Variants in SLC20A1 observed in about 807,000 individuals in gnomAD.
SLC20A1 encodes sodium-dependent phosphate transporter 1.
SLC20A1 carries 28 observed loss-of-function variants against 62.7 expected under a neutral mutation model. That is an observed-to-expected ratio of 0.45 (90% confidence interval 0.33 to 0.61). SLC20A1 has a LOEUF of 0.61. SLC20A1 is among the 20% of genes least tolerant of loss of function. The pLI is 0.02. For synonymous variants in SLC20A1, 305 were observed against 302.9 expected, an observed-to-expected ratio of 1.01 and a Z score of -0.07; for missense variants, 673 against 838.6, an observed-to-expected ratio of 0.80 and a Z score of 2.44.
chr2:112,652,188 C>G (rs1686460572), intron 4 of SLC20A1: 1 of 156,528 alleles, frequency 6.4e-6, no homozygotes, highest in South Asian at 1.9e-4. Flanking sequence ...TGTGCACAAT[C>G]AGTTATTATC....
chr2:112,649,100 A>C (rs1200428070), intron 4 of SLC20A1, among the ~76,000 whole-genome samples: 1 of 152,228 alleles, frequency 6.6e-6, no homozygotes, highest in African/African-American at 2.4e-5. Context: ...TCCACAAAAC[A>C]CTTATTCCCC....
chr2:112,656,080 T>C (rs555477155), intron 5 of SLC20A1, among the ~76,000 whole-genome samples: 1 of 152,210 alleles, frequency 6.6e-6, no homozygotes, highest in Non-Finnish European at 1.5e-5. Flanking sequence ...TAATGACTAA[T>C]ATTACTCATT....
chr2:112,651,246 G>A (rs1176327056), intron 4 of SLC20A1, among the ~76,000 whole-genome samples: 2 of 152,134 alleles, frequency 1.3e-5, no homozygotes, highest in Non-Finnish European at 2.9e-5. Flanking sequence ...TAACTTTCCA[G>A]TGTATTGATT....
rs1686297539 is a variant in SLC20A1, at chr2:112,646,957, T to C, written c.129T>C (p.Asp43=). The C allele has an allele frequency of 6.2e-7, 1 of 1,614,160 alleles. No individual in the cohort carries two copies. The highest frequency in any genetic ancestry group is 1.3e-5 in the African/African-American group (1 of 75,038). The change falls in exon 2 of 11, where the codon GAT becomes GAC. Residue 43 remains aspartate, a synonymous_variant. Transcript: ENST00000272542. ...FVLAFSVGAN[D]VANSFGTAVG... ...TGGCATTCTCCGTGGGAGCCAATGA[T>C]GTAGCAAATTCTTTTGGTACAGCTG...
Position 112,663,500 on chromosome 2 carries a change from T to TA in SLC20A1, c.*476dup, listed in dbSNP as rs1686806245. The TA allele has an allele frequency of 3.5e-6, 1 of 287,836 alleles. No individual in the cohort carries two copies. Among genetic ancestry groups the TA allele is most frequent in the Non-Finnish European group, 6.7e-6 (1 of 149,092 alleles). 17.8% of individuals were successfully genotyped at this position (287,836 alleles called of 1,614,324 possible). On this transcript the variant is annotated 3_prime_UTR_variant, in exon 11 of 11. Coordinates refer to ENST00000272542, the MANE Select transcript of SLC20A1 (RefSeq NM_005415.5). The stretch of plus-strand genomic sequence containing the variant: ...CTTCCCTTGTAGTCTCTTATATAAG[T>TA]AGAGTCCTTGGTACTCTGCCCTCCT...
chr2:112,647,237 C>T, intron 2 of SLC20A1, 75 bp downstream of exon 2: 2 of 1,580,496 alleles, frequency 1.3e-6, no homozygotes, highest in Non-Finnish European at 1.7e-6. Context: ...CATTTTTGTG[C>T]ATAACCTTTC....
At chr2:112,652,465 T>C (rs1686468264) in intron 4 of SLC20A1, 1 of 552,220 alleles carries the variant, frequency 1.8e-6, no homozygotes, top group Admixed American at 3.3e-5. Flanking sequence ...TATCAGTCAC[T>C]GGTACAGTTA....
At chr2:112,659,932 C>T (rs1220993992) in intron 8 of SLC20A1, among the ~76,000 whole-genome samples, 170 bp downstream of exon 8, 3 of 152,140 alleles carry the variant, frequency 2.0e-5, no homozygotes, top group African/African-American at 7.2e-5. Flanking sequence ...CAGTTTTATT[C>T]TTCAGAGGAA....
At chr2:112,658,163 A>T (rs1350856262) in intron 6 of SLC20A1, among the ~76,000 whole-genome samples, 1 of 152,146 alleles carries the variant, frequency 6.6e-6, no homozygotes, top group East Asian at 1.9e-4. Context: ...AGGAGTTGAG[A>T]CAAGTCTTGC....
chr2:112,661,876 G>A (rs1034994769), intron 10 of SLC20A1, among the ~76,000 whole-genome samples: 3 of 152,216 alleles, frequency 2.0e-5, no homozygotes, highest in Non-Finnish European at 4.4e-5. Context: ...TGCCTTTGGG[G>A]AAGCCATTCA....
At chr2:112,658,189 C>T (rs184275634) in intron 6 of SLC20A1, among the ~76,000 whole-genome samples, 3 of 152,250 alleles carry the variant, frequency 2.0e-5, no homozygotes, top group Non-Finnish European at 4.4e-5. Flanking sequence ...GTTAGTCAGT[C>T]TGTAGTTTGA....
At chr2:112,658,543 T>C (rs1686661437) in intron 6 of SLC20A1, 2 of 329,996 alleles carry the variant, frequency 6.1e-6, no homozygotes, top group African/African-American at 2.2e-5. Flanking sequence ...GTTGTAAAAA[T>C]AAAAACAAAA....
rs553173165 is a variant in SLC20A1 at position 112,663,470 on chromosome 2, T to C, written c.*445T>C. 12 of 314,840 alleles carry C rather than the reference T, an allele frequency of 3.8e-5. No individual in the cohort carries two copies. The highest frequency in any genetic ancestry group is 3.2e-4 in the South Asian group (12 of 36,924). The allele number at this position is 314,840 out of a possible 1,614,324, so 19.5% of individuals were successfully genotyped here. On this transcript the variant is annotated 3_prime_UTR_variant, in exon 11 of 11. Coordinates refer to ENST00000272542, the MANE Select transcript of SLC20A1 (RefSeq NM_005415.5). ...AGGGATTTAACAACAAAAATATAAC[T>C]ACAACTTCCCTTGTAGTCTCTTATA...
intron 5 of SLC20A1, among the ~76,000 whole-genome samples, chr2:112,654,579 GA>G (rs1401779455): frequency 6.6e-6 from 1 of 152,072 alleles, no homozygotes; most frequent in Non-Finnish European, 1.5e-5. Context: ...AATTTAAAAT[GA>G]AAAGATACAT....
chr2:112,657,320 A>G (rs899896564), intron 6 of SLC20A1, 79 bp downstream of exon 6: 7 of 1,383,958 alleles, frequency 5.1e-6, no homozygotes, highest in East Asian at 2.3e-5. Flanking sequence ...GTAAAAATCT[A>G]TTAGAAGAGA....
intron 4 of SLC20A1, 31 bp downstream of exon 4, chr2:112,647,769 C>T: frequency 6.6e-7 from 1 of 1,518,550 alleles, no homozygotes; most frequent in Non-Finnish European, 9.1e-7. Context: ...GAAGACCTTT[C>T]ATGGAGCACA....
At position 112,653,678 on chromosome 2, in the gene SLC20A1, A is replaced by T. The variant is rs903710281; in HGVS notation, c.658+880A>T. ...ATTCTCTCTTTTTTTTTTTCTTAAC[A>T]TTTGTTGTGGCCCACTGAAATGATT... On this transcript the variant is annotated intron_variant, in intron 5 of 10. Transcript: ENST00000272542. 2.7e-5 allele frequency among the ~76,000 whole-genome samples: 4 copies of T among 149,262 alleles called. No homozygotes were observed. The South Asian group carries it at 6.3e-4, about 24-fold the overall frequency.
chr2:112,647,578 T>A (rs537318740), intron 3 of SLC20A1, 75 bp from the exon 4 acceptor site: 1 of 1,576,806 alleles, frequency 6.3e-7, no homozygotes, highest in South Asian at 1.1e-5. Flanking sequence ...AATTTTGAAC[T>A]CTTAAACATT....
chr2:112,660,844 T>C (rs2104651152), intron 9 of SLC20A1: 1 of 399,252 alleles, frequency 2.5e-6, no homozygotes, highest in East Asian at 3.6e-5. Context: ...TACTTGCCTT[T>C]TATTTGTCTT....
Sources: gnomAD v4.1 joint callset for allele counts (sites outside exome capture counted in the v4.1 genomes callset) on GRCh38, gnomAD v4.1.1 for gene constraint, MANE v1.5 for transcripts, NCBI Gene and HGNC (gene_info 2026-07-23, HGNC 2026-07-21) for gene names.